CNTN4: variants seen among roughly 807,000 people sequenced by gnomAD.
CNTN4 encodes the protein contactin-4.
Under a neutral mutation model 122.5 loss-of-function variants are expected in CNTN4, and 77 were observed. The ratio of observed to expected loss-of-function variants is 0.63; its 90% CI spans 0.52 to 0.76. The LOEUF (loss-of-function observed/expected upper bound fraction) is 0.76, where lower values mean the gene tolerates loss of function less well. Among genes scored for constraint, CNTN4 ranks in the 30% least tolerant of loss-of-function variants. CNTN4 has a pLI of 0.00. For synonymous variants in CNTN4, 512 were observed against 447.0 expected (o/e 1.15, Z -1.83); for missense variants, 1,256 against 1,259.1 (o/e 1.00, Z 0.04).
intron 4 of CNTN4, among the ~76,000 whole-genome samples, chr3:2,727,561 C>T (rs115112898): frequency 3.9e-4 from 60 of 152,320 alleles, no homozygotes; most frequent in Non-Finnish European, 7.9e-4. Flanking sequence ...TACAGCCCCA[C>T]GGCTGTTCTT....
At chr3:2,876,560 G>C (rs776289998) in intron 8 of CNTN4, among the ~76,000 whole-genome samples, 2 of 152,118 alleles carry the variant, frequency 1.3e-5, no homozygotes, top group Non-Finnish European at 2.9e-5. Context: ...GCTAAGGCAG[G>C]TGTTGGCAAA....
chr3:2,677,629 C>G (rs751301500), intron 4 of CNTN4, among the ~76,000 whole-genome samples: 2 of 152,036 alleles, frequency 1.3e-5, no homozygotes, highest in Admixed American at 1.3e-4. Context: ...CATTATCAAA[C>G]AGCATGGTTC....
chr3:2,354,040 C>T (rs1313356343), intron 3 of CNTN4, among the ~76,000 whole-genome samples: 1 of 152,160 alleles, frequency 6.6e-6, no homozygotes, highest in Non-Finnish European at 1.5e-5. Flanking sequence ...TTTCTTATGA[C>T]GTAACCTAAA....
intron 3 of CNTN4, among the ~76,000 whole-genome samples, chr3:2,417,901 A>T (rs928529495): frequency 5.3e-5 from 8 of 152,212 alleles, no homozygotes; most frequent in Non-Finnish European, 1.0e-4. Flanking sequence ...TATATACTTT[A>T]TTATTCCAAC....
intron 12 of CNTN4, among the ~76,000 whole-genome samples, chr3:2,919,198 A>AG (rs1207539279): frequency 2.6e-5 from 4 of 151,160 alleles, no homozygotes; most frequent in Non-Finnish European, 5.9e-5. Flanking sequence ...ACAAAAAAAA[A>AG]AAAAATTGCC....
At chr3:2,444,575 TAGAGCCTTGTTGGGTGACATA>T (rs2048553416) in intron 3 of CNTN4, among the ~76,000 whole-genome samples, 1 of 152,152 alleles carries the variant, frequency 6.6e-6, no homozygotes, top group Admixed American at 6.5e-5. Flanking sequence ...TCAGATCACA[TAGAGCCTTGTTGGGTGACATA>T]AGAAATTCAT....
intron 2 of CNTN4, among the ~76,000 whole-genome samples, chr3:2,101,831 G>A (rs915626927): frequency 6.6e-6 from 1 of 152,054 alleles, no homozygotes; most frequent in Admixed American, 6.5e-5. Context: ...TATGTATCCC[G>A]GTGGATCATT....
intron 3 of CNTN4, among the ~76,000 whole-genome samples, chr3:2,344,179 G>C (rs184653969): frequency 3.3e-5 from 5 of 152,170 alleles, no homozygotes; most frequent in Non-Finnish European, 5.9e-5. Context: ...AACTATATCA[G>C]TGATATAACA....
intron 4 of CNTN4, among the ~76,000 whole-genome samples, chr3:2,716,345 A>T (rs1380837295): frequency 6.6e-6 from 1 of 151,160 alleles, no homozygotes; most frequent in Non-Finnish European, 1.5e-5. Flanking sequence ...ATATTATTAT[A>T]TTATTATTAT....
At chr3:2,150,987 G>T (rs4444695) in intron 2 of CNTN4, among the ~76,000 whole-genome samples, 2,437 of 152,238 alleles carry the variant, frequency 0.016, 22 homozygotes, top group Middle Eastern at 0.061. Context: ...GTAAGTTGAG[G>T]ATACAGGGAT....
At chr3:3,027,158 C>G (rs1011511515) in intron 15 of CNTN4, among the ~76,000 whole-genome samples, 1 of 152,216 alleles carries the variant, frequency 6.6e-6, no homozygotes, top group Admixed American at 6.5e-5. Context: ...TTCCACCCAA[C>G]TACAGTACTA....
At chr3:2,985,834 T>C (rs1463658284) in intron 13 of CNTN4, among the ~76,000 whole-genome samples, 1 of 151,964 alleles carries the variant, frequency 6.6e-6, no homozygotes, top group Non-Finnish European at 1.5e-5. Flanking sequence ...CTGATGTAAT[T>C]ACTATATTAA....
chr3:2,922,532 C>G (rs942651804), intron 12 of CNTN4, among the ~76,000 whole-genome samples: 2 of 149,872 alleles, frequency 1.3e-5, no homozygotes, highest in Non-Finnish European at 3.0e-5. Flanking sequence ...TTTATGGTTA[C>G]AACTGATAAA....
At chr3:2,781,322 T>C (rs1276935762) in intron 6 of CNTN4, among the ~76,000 whole-genome samples, 1 of 152,120 alleles carries the variant, frequency 6.6e-6, no homozygotes, top group Non-Finnish European at 1.5e-5. Flanking sequence ...ACAAATCAAA[T>C]GTAAAATGCT....
At chr3:2,402,518 C>T (rs1357741959) in intron 3 of CNTN4, among the ~76,000 whole-genome samples, 2 of 152,060 alleles carry the variant, frequency 1.3e-5, no homozygotes, top group Non-Finnish European at 2.9e-5. Context: ...GGATATTCAT[C>T]ACCTCAATTT....
At position 2,900,723 on chromosome 3, in the gene CNTN4, G is replaced by C. The variant is rs562479085; in HGVS notation, c.979G>C (p.Val327Leu). The C allele has an allele frequency of 1.9e-6, 3 of 1,613,760 alleles. No individual in the cohort carries two copies. The highest frequency in any genetic ancestry group is 2.7e-5 in the African/African-American group (2 of 75,004). The part of the protein sequence containing the change: ...NWIQKINDIH[V>L]AMEENVFWEC... ...GATTCAAAAAATAAATGATATTCACGTGGCCATGGAAGAAAATGTCTTTTG... is the reference window on the plus strand; with the variant it reads ...GATTCAAAAAATAAATGATATTCACCTGGCCATGGAAGAAAATGTCTTTTG... Residue 327 changes from valine to leucine, a missense_variant, in exon 11 of 25, where the codon GTG (valine) becomes CTG (leucine). Physicochemically the swap from Val to Leu is conservative, Grantham distance 32. Transcript: ENST00000418658.
At chr3:2,442,113 A>T (rs572804386) in intron 3 of CNTN4, among the ~76,000 whole-genome samples, 1 of 152,288 alleles carries the variant, frequency 6.6e-6, no homozygotes, top group African/African-American at 2.4e-5. Flanking sequence ...GTGTTGAAGT[A>T]AGCTTTATAA....
chr3:2,175,188 A>G (rs1284065022), intron 2 of CNTN4, among the ~76,000 whole-genome samples: 1 of 152,220 alleles, frequency 6.6e-6, no homozygotes, highest in Non-Finnish European at 1.5e-5. Context: ...TTCTAGGTTC[A>G]CTGTCCTATT....
intron 4 of CNTN4, among the ~76,000 whole-genome samples, chr3:2,580,052 TG>T (rs1389627293): frequency 6.6e-6 from 1 of 152,072 alleles, no homozygotes; most frequent in African/African-American, 2.4e-5. Flanking sequence ...TGTGTGTGTG[TG>T]TGTGTGTATG....
Sources: allele counts gnomAD v4.1 joint callset (sites outside exome capture counted in the v4.1 genomes callset), GRCh38; gene constraint gnomAD v4.1.1; transcripts MANE v1.5; gene names NCBI Gene and HGNC (gene_info 2026-07-23, HGNC 2026-07-21).